FOCAD: variants seen among roughly 807,000 people sequenced by gnomAD.
The protein encoded by FOCAD is KIAA1797.
In FOCAD, 198 loss-of-function variants were observed where a neutral mutation model predicts 225.6. The ratio of observed to expected loss-of-function variants is 0.88; its 90% CI spans 0.78 to 0.99. The LOEUF (loss-of-function observed/expected upper bound fraction) is 0.99, where lower values mean the gene tolerates loss of function less well. Ranked by LOEUF, FOCAD falls within the 50% of genes least tolerant of loss-of-function variation. The probability of loss-of-function intolerance (pLI) is 0.00; values close to 1 mark genes in which losing one functional copy is unlikely to be tolerated. For synonymous variants in FOCAD, 897 were observed against 755.0 expected (o/e 1.19, Z -3.08); for missense variants, 2,713 against 2,123.6 (o/e 1.28, Z -5.46).
chr9:20,881,574 A>C (rs1830668303), intron 19 of FOCAD, among the ~76,000 whole-genome samples: 2 of 152,176 alleles, frequency 1.3e-5, no homozygotes, highest in Admixed American at 1.3e-4. Flanking sequence ...ATAGCAGTGA[A>C]AAATGGAGAG....
At chr9:20,664,155 A>G (rs1464394475) in intron 2 of FOCAD, among the ~76,000 whole-genome samples, 1 of 151,800 alleles carries the variant, frequency 6.6e-6, no homozygotes, top group Non-Finnish European at 1.5e-5. Context: ...TAAAAGTTCT[A>G]TATTTAAATA....
chr9:20,765,621 T>C (rs1400583131), intron 7 of FOCAD, among the ~76,000 whole-genome samples: 3 of 152,180 alleles, frequency 2.0e-5, no homozygotes, highest in Non-Finnish European at 4.4e-5. Context: ...ACTGTACATA[T>C]ATTCTTACAA....
At chr9:20,909,646 A>G (rs1364573947) in intron 22 of FOCAD, among the ~76,000 whole-genome samples, 1 of 152,128 alleles carries the variant, frequency 6.6e-6, no homozygotes, top group African/African-American at 2.4e-5. Context: ...AAAGAAGAGA[A>G]AGTGAAAGGA....
chr9:20,944,540 G>C (rs1836985914), intron 28 of FOCAD, 87 bp from the exon 29 acceptor site: 2 of 1,462,198 alleles, frequency 1.4e-6, no homozygotes, highest in East Asian at 2.3e-5. Context: ...ACCAAGGTTT[G>C]AGAGCTCTGT....
At chr9:20,839,044 G>A (rs771065151) in intron 15 of FOCAD, among the ~76,000 whole-genome samples, 3 of 151,982 alleles carry the variant, frequency 2.0e-5, no homozygotes, top group Non-Finnish European at 4.4e-5. Context: ...AAGATTGGTT[G>A]TAGCACCATC....
chr9:20,845,010 C>G (rs890537317), intron 15 of FOCAD, among the ~76,000 whole-genome samples: 1 of 151,902 alleles, frequency 6.6e-6, no homozygotes, highest in Non-Finnish European at 1.5e-5. Flanking sequence ...AATCCCTTTC[C>G]GATTTCTTTC....
intron 21 of FOCAD, among the ~76,000 whole-genome samples, chr9:20,896,389 G>A (rs553201628): frequency 6.6e-6 from 1 of 151,972 alleles, no homozygotes; most frequent in South Asian, 2.1e-4. Flanking sequence ...GAGTTAGGAA[G>A]TATTCTCTCT....
chr9:20,964,786 G>A (rs770732997), intron 35 of FOCAD, among the ~76,000 whole-genome samples: 2 of 152,052 alleles, frequency 1.3e-5, no homozygotes, highest in African/African-American at 2.4e-5. Context: ...CATCCTCCTC[G>A]GCCTCCCAAA....
At position 20,862,798 on chromosome 9, in the gene FOCAD, CTGTTGT is replaced by C. The variant is rs142288658; in HGVS notation, c.2055+103_2055+108del. ...AACTTTTGGAATAAATATTCCTAAT[CTGTTGT>C]TGTTGTTGTTGTTGTTCTGAGACCA... On this transcript the variant is annotated intron_variant, in intron 16 of 43. Coordinates refer to ENST00000338382, the MANE Select transcript of FOCAD (RefSeq NM_001375567.1). The C allele has an allele frequency of 2.5e-5, 36 of 1,444,040 alleles. No individual in the cohort carries two copies. In the African/African-American group the frequency reaches 2.6e-4, roughly 10 times the overall value. 89.5% of individuals were successfully genotyped at this position (1,444,040 alleles called of 1,614,324 possible).
At chr9:20,679,576 C>G (rs1822338936), upstream of FOCAD, among the ~76,000 whole-genome samples, 1 of 151,122 alleles carries the variant, frequency 6.6e-6, no homozygotes. Flanking sequence ...TTCTTACTCT[C>G]TTTTTTTTTG....
chr9:20,921,261 T>C (rs1168114109), intron 24 of FOCAD, among the ~76,000 whole-genome samples: 1 of 152,230 alleles, frequency 6.6e-6, no homozygotes, highest in Non-Finnish European at 1.5e-5. Flanking sequence ...AGCATCATTG[T>C]AGCTCAGCCT....
chr9:20,871,535 G>A (rs1322159376), intron 18 of FOCAD, among the ~76,000 whole-genome samples: 4 of 150,802 alleles, frequency 2.7e-5, no homozygotes, highest in Non-Finnish European at 4.4e-5. Context: ...GGAAAGACTG[G>A]TAGTAGCCTA....
chr9:20,659,150 G>T (rs945221984), intron 2 of FOCAD, among the ~76,000 whole-genome samples: 4 of 152,108 alleles, frequency 2.6e-5, no homozygotes, highest in Admixed American at 2.6e-4. Flanking sequence ...AACCTGGGGG[G>T]CGGAGGTTTC....
intron 4 of FOCAD, 97 bp downstream of exon 4, chr9:20,720,631 C>T: frequency 8.0e-7 from 1 of 1,250,596 alleles, no homozygotes; most frequent in Non-Finnish European, 1.1e-6. Context: ...TCCTACTTGC[C>T]AGTTGTTTTT....
intron 29 of FOCAD, among the ~76,000 whole-genome samples, chr9:20,946,436 A>C (rs906393411): frequency 2.0e-5 from 3 of 152,196 alleles, no homozygotes; most frequent in African/African-American, 4.8e-5. Flanking sequence ...CCTGGGCTTG[A>C]ATCCCTCCTT....
chr9:20,777,414 G>C (rs1022145445), intron 8 of FOCAD, among the ~76,000 whole-genome samples: 11 of 146,242 alleles, frequency 7.5e-5, no homozygotes, highest in Non-Finnish European at 1.3e-4. Flanking sequence ...TTCTTCTTTA[G>C]TGCCATAATA....
intron 18 of FOCAD, among the ~76,000 whole-genome samples, chr9:20,869,338 CTAAAAAATATA>C (rs1829562635): frequency 6.6e-6 from 1 of 151,920 alleles, no homozygotes; most frequent in Non-Finnish European, 1.5e-5. Context: ...TCAAGTAGAG[CTAAAAAATATA>C]TATATATAAG....
At chr9:20,799,576 G>A (rs570730146) in intron 11 of FOCAD, among the ~76,000 whole-genome samples, 1 of 152,122 alleles carries the variant, frequency 6.6e-6, no homozygotes. Context: ...TCTTCTTATT[G>A]AATTGATCCC....
chr9:20,795,166 T>C (rs1820919514), intron 11 of FOCAD, among the ~76,000 whole-genome samples: 2 of 152,186 alleles, frequency 1.3e-5, no homozygotes, highest in South Asian at 4.1e-4. Flanking sequence ...GAGTGTTTTT[T>C]GGCAACTGAG....
Sources: gnomAD v4.1 joint callset for allele counts (sites outside exome capture counted in the v4.1 genomes callset) on GRCh38, gnomAD v4.1.1 for gene constraint, MANE v1.5 for transcripts, NCBI Gene and HGNC (gene_info 2026-07-23, HGNC 2026-07-21) for gene names.